The following UBE2G1 variants were observed in gnomAD, a reference collection of about 807,000 sequenced individuals.
UBE2G1 encodes the protein ubiquitin-conjugating enzyme E2 G1.
Under a neutral mutation model 22.7 loss-of-function variants are expected in UBE2G1, and 5 were observed. That is an observed-to-expected ratio of 0.22 (90% CI 0.12 to 0.46). UBE2G1 has a LOEUF of 0.46. Among genes scored for constraint, UBE2G1 ranks in the 20% least tolerant of loss-of-function variants. The pLI is 0.99. For synonymous variants in UBE2G1, 74 were observed against 67.5 expected, an observed-to-expected ratio of 1.10 and a Z score of -0.47; for missense variants, 88 against 203.9, an observed-to-expected ratio of 0.43 and a Z score of 3.46.
chr17:4,349,719 A>T (rs1969821151), intron 1 of UBE2G1, among the ~76,000 whole-genome samples: 1 of 150,782 alleles, frequency 6.6e-6, no homozygotes, highest in Non-Finnish European at 1.5e-5. Flanking sequence ...GGCATGCACC[A>T]GTAGTCCCAG....
chr17:4,345,549 C>G (rs1969758548), intron 1 of UBE2G1: 1 of 152,080 alleles, frequency 6.6e-6, no homozygotes, highest in East Asian at 1.9e-4. Context: ...GTAAATAAAC[C>G]TTCGGTAACA....
At chr17:4,355,013 G>A (rs2143823034) in intron 1 of UBE2G1, among the ~76,000 whole-genome samples, 1 of 152,078 alleles carries the variant, frequency 6.6e-6, no homozygotes, top group East Asian at 1.9e-4. Flanking sequence ...GATTGCTTGA[G>A]CCGAGGAAGT....
intron 1 of UBE2G1, among the ~76,000 whole-genome samples, chr17:4,354,486 G>A (rs1399087012): frequency 6.6e-6 from 1 of 152,034 alleles, no homozygotes; most frequent in Non-Finnish European, 1.5e-5. Flanking sequence ...TTTAACTCTT[G>A]CTAGATTCTC....
intron 1 of UBE2G1, among the ~76,000 whole-genome samples, chr17:4,331,411 A>G (rs1443779325): frequency 6.6e-6 from 1 of 152,244 alleles, no homozygotes; most frequent in African/African-American, 2.4e-5. Flanking sequence ...AATGCTATGC[A>G]TCTATTTAAA....
At chr17:4,290,160 C>T (rs1019883729) in intron 3 of UBE2G1, among the ~76,000 whole-genome samples, 5 of 151,094 alleles carry the variant, frequency 3.3e-5, no homozygotes, top group Non-Finnish European at 7.4e-5. Context: ...ATAAATAATC[C>T]CTATTGTGAA....
chr17:4,312,962 T>G (rs983854503), intron 1 of UBE2G1, among the ~76,000 whole-genome samples: 1 of 152,092 alleles, frequency 6.6e-6, no homozygotes, highest in Non-Finnish European at 1.5e-5. Flanking sequence ...CAAGTGGAAA[T>G]TTTTTCTAAA....
At chr17:4,293,512 G>A (rs1969068680) in intron 3 of UBE2G1, among the ~76,000 whole-genome samples, 2 of 152,192 alleles carry the variant, frequency 1.3e-5, no homozygotes, top group Admixed American at 1.3e-4. Flanking sequence ...TTCTGGACAT[G>A]TGTTTCAGTT....
chr17:4,311,140 T>C (rs1969305883), intron 1 of UBE2G1, among the ~76,000 whole-genome samples: 1 of 152,116 alleles, frequency 6.6e-6, no homozygotes, highest in African/African-American at 2.4e-5. Flanking sequence ...GGTGGGAAGA[T>C]GACTTGAGCC....
intron 1 of UBE2G1, among the ~76,000 whole-genome samples, chr17:4,316,219 C>T (rs927917536): frequency 1.2e-4 from 19 of 152,154 alleles, no homozygotes; most frequent in Non-Finnish European, 2.5e-4. Context: ...TCTCCTGCTC[C>T]GGGAATGTGA....
chr17:4,292,258 G>A (rs548883241), intron 3 of UBE2G1, among the ~76,000 whole-genome samples: 2 of 150,672 alleles, frequency 1.3e-5, no homozygotes, highest in South Asian at 2.1e-4. Flanking sequence ...CCTGGGAGGC[G>A]GAGGTTGCAG....
chr17:4,363,950 CAAAAA>C (rs1195720643), intron 1 of UBE2G1, among the ~76,000 whole-genome samples: 4,634 of 43,234 alleles, frequency 0.11, 90 homozygotes, highest in South Asian at 0.2. Flanking sequence ...GACTCCGTCT[CAAAAA>C]AAAAAAAAAA....
At chr17:4,312,759 T>G (rs1969326593) in intron 1 of UBE2G1, among the ~76,000 whole-genome samples, 1 of 149,906 alleles carries the variant, frequency 6.7e-6, no homozygotes, top group African/African-American at 2.5e-5. Flanking sequence ...GGAGATGCAT[T>G]TAAAGGAGAA....
chr17:4,328,530 G>A (rs995277031), intron 1 of UBE2G1, among the ~76,000 whole-genome samples: 3 of 152,104 alleles, frequency 2.0e-5, no homozygotes, highest in South Asian at 4.1e-4. Flanking sequence ...TACTGCAGAG[G>A]AGAAGGCGAT....
At chr17:4,275,281 C>CA (rs2143667839) in intron 5 of UBE2G1, among the ~76,000 whole-genome samples, 1 of 152,312 alleles carries the variant, frequency 6.6e-6, no homozygotes, top group South Asian at 2.1e-4. Flanking sequence ...CAGGTTTTGT[C>CA]ATTCTTTTCT....
At chr17:4,363,779 C>G (rs1365201017) in intron 1 of UBE2G1, among the ~76,000 whole-genome samples, 1 of 151,416 alleles carries the variant, frequency 6.6e-6, no homozygotes, top group Non-Finnish European at 1.5e-5. Context: ...AGTGAAACCC[C>G]GTCTCTACTG....
Position 4,271,781 on chromosome 17 carries a change from G to A in UBE2G1, c.*773C>T, listed in dbSNP as rs1284419246. On this transcript the variant is annotated 3_prime_UTR_variant, in exon 6 of 6. Transcript: ENST00000396981. Reference sequence around the variant, plus strand: ...AACCATCTATTTTTAGTTCTCAGGGGTAATGACTGGGATCAAGAGCTCACA... The same window carrying A: ...AACCATCTATTTTTAGTTCTCAGGGATAATGACTGGGATCAAGAGCTCACA... 6.6e-6 allele frequency: 1 copy of A among 150,476 alleles called. No individual in the cohort carries two copies. The highest frequency in any genetic ancestry group is 1.5e-5 in the Non-Finnish European group (1 of 67,688). 9.3% of individuals were successfully genotyped at this position (150,476 alleles called of 1,614,324 possible).
At chr17:4,291,153 G>A (rs1195118367) in intron 3 of UBE2G1, among the ~76,000 whole-genome samples, 1 of 152,168 alleles carries the variant, frequency 6.6e-6, no homozygotes, top group Non-Finnish European at 1.5e-5. Flanking sequence ...CTGCGGTCAG[G>A]AGTTTGAGGC....
chr17:4,282,951 T>C (rs997021906), intron 4 of UBE2G1, 30 bp from the exon 5 acceptor site: 5 of 1,564,950 alleles, frequency 3.2e-6, no homozygotes, highest in Non-Finnish European at 4.4e-6. Context: ...TATCAAGTGA[T>C]TTCATGCAAA....
At chr17:4,312,201 C>T (rs1018107833) in intron 1 of UBE2G1, among the ~76,000 whole-genome samples, 2 of 151,302 alleles carry the variant, frequency 1.3e-5, no homozygotes, top group Non-Finnish European at 2.9e-5. Flanking sequence ...CCACTGCACT[C>T]CAGCCTGGGC....
Sources: allele counts gnomAD v4.1 joint callset (sites outside exome capture counted in the v4.1 genomes callset), GRCh38; gene constraint gnomAD v4.1.1; transcripts MANE v1.5; gene names NCBI Gene and HGNC (gene_info 2026-07-23, HGNC 2026-07-21).